SLC44A1: variants seen among roughly 807,000 people sequenced by gnomAD.
SLC44A1 encodes solute carrier family 44 member 1, also known as choline transporter-like protein 1.
In SLC44A1, 26 loss-of-function variants were observed where a neutral mutation model predicts 79.3. The ratio of observed to expected loss-of-function variants is 0.33; its 90% CI spans 0.24 to 0.46. The LOEUF is 0.46. Among genes scored for constraint, SLC44A1 ranks in the 20% least tolerant of loss-of-function variants. The pLI is 1.00. For missense variants in SLC44A1, 688 were observed against 798.1 expected, an observed-to-expected ratio of 0.86 and a Z score of 1.66; for synonymous variants, 263 against 286.2, an observed-to-expected ratio of 0.92 and a Z score of 0.82.
chr9:105,315,339 T>G (rs1424888993), intron 3 of SLC44A1, among the ~76,000 whole-genome samples: 1 of 150,110 alleles, frequency 6.7e-6, no homozygotes, highest in Non-Finnish European at 1.5e-5. Flanking sequence ...TTCAAATTGA[T>G]AGTAGGGTTT....
At chr9:105,344,300 A>G (rs1465817819) in intron 4 of SLC44A1, among the ~76,000 whole-genome samples, 3 of 152,182 alleles carry the variant, frequency 2.0e-5, no homozygotes, top group Non-Finnish European at 2.9e-5. Flanking sequence ...TTTATTTCAA[A>G]TAATGTGATG....
At chr9:105,424,948 C>CAAAAAAAAAAAAAAAA (rs200345209) in intron 15 of SLC44A1, among the ~76,000 whole-genome samples, 1 of 96,166 alleles carries the variant, frequency 1.0e-5, no homozygotes, top group African/African-American at 3.9e-5. Flanking sequence ...GACTCCATCT[C>CAAAAAAAAAAAAAAAA]AAAAAAAAAA....
chr9:105,401,734 C>G (rs924121762), downstream of SLC44A1, among the ~76,000 whole-genome samples: 7 of 152,190 alleles, frequency 4.6e-5, no homozygotes, highest in Admixed American at 1.3e-4. Flanking sequence ...GATGCATTTC[C>G]TAAGCATGCT....
chr9:105,303,217 A>G (rs1830928473), intron 2 of SLC44A1, among the ~76,000 whole-genome samples: 1 of 152,048 alleles, frequency 6.6e-6, no homozygotes, highest in South Asian at 2.1e-4. Flanking sequence ...ATGCCCAATA[A>G]GGTACTCCCT....
intron 3 of SLC44A1, among the ~76,000 whole-genome samples, chr9:105,313,664 T>G (rs1831240020): frequency 6.6e-6 from 1 of 152,166 alleles, no homozygotes; most frequent in Admixed American, 6.5e-5. Flanking sequence ...ACATACTTTT[T>G]CTGTCACATT....
At chr9:105,388,908 G>T (rs1828694790) in intron 15 of SLC44A1, 125 bp from the exon 16 acceptor site, 1 of 726,270 alleles carries the variant, frequency 1.4e-6, no homozygotes, top group African/African-American at 1.7e-5. Context: ...ATTCAGGGGA[G>T]AAGGATTCTC....
downstream of SLC44A1, among the ~76,000 whole-genome samples, chr9:105,398,975 G>C (rs2131496774): frequency 6.6e-6 from 1 of 152,290 alleles, no homozygotes; most frequent in Admixed American, 6.5e-5. Context: ...TTTTTAAAAA[G>C]TTTACGAATT....
In SLC44A1 at chr9:105,244,848, C is replaced by G; in HGVS notation, c.-21C>G. The stretch of plus-strand genomic sequence containing the variant: ...CGTAGCTGCGCGCCCGGCGCCGCCT[C>G]CGGGCTCCTTCGGCCCCGCCATGGG... On this transcript the variant is annotated 5_prime_UTR_variant, in exon 1 of 16. Transcript: ENST00000374720. 3 of 1,126,862 alleles carry G rather than the reference C, an allele frequency of 2.7e-6. No individual in the cohort carries two copies. Among genetic ancestry groups the G allele is most frequent in the Non-Finnish European group, 3.3e-6 (3 of 922,554 alleles). 69.8% of individuals were successfully genotyped at this position (1,126,862 alleles called of 1,614,324 possible).
chr9:105,288,074 A>T (rs1440821269), intron 1 of SLC44A1, among the ~76,000 whole-genome samples: 1 of 152,194 alleles, frequency 6.6e-6, no homozygotes, highest in Non-Finnish European at 1.5e-5. Flanking sequence ...ATTACTTAAA[A>T]ATTGCATCAT....
intron 1 of SLC44A1, among the ~76,000 whole-genome samples, chr9:105,286,380 A>T (rs1830478646): frequency 6.6e-6 from 1 of 152,220 alleles, no homozygotes; most frequent in East Asian, 1.9e-4. Context: ...CTCATCAGTA[A>T]AATGGGAATA....
chr9:105,370,372 T>G (rs1435634684), intron 12 of SLC44A1, among the ~76,000 whole-genome samples: 5 of 152,156 alleles, frequency 3.3e-5, no homozygotes, highest in Non-Finnish European at 7.4e-5. Flanking sequence ...ATCCACCTAC[T>G]TTTTTTCAGT....
chr9:105,361,613 T>C (rs1827782640), intron 8 of SLC44A1, among the ~76,000 whole-genome samples: 1 of 152,244 alleles, frequency 6.6e-6, no homozygotes, highest in African/African-American at 2.4e-5. Context: ...ATATTTCTTA[T>C]TGTCATAAGA....
chr9:105,296,412 G>A (rs943466853), intron 1 of SLC44A1, among the ~76,000 whole-genome samples: 4 of 152,046 alleles, frequency 2.6e-5, no homozygotes, highest in Non-Finnish European at 5.9e-5. Context: ...GTATTTTTCT[G>A]GTCAAAAATG....
chr9:105,373,187 C>T (rs2131438902), intron 12 of SLC44A1, among the ~76,000 whole-genome samples: 1 of 152,252 alleles, frequency 6.6e-6, no homozygotes, highest in East Asian at 1.9e-4. Flanking sequence ...TTATAGACAA[C>T]ACAGTATAAA....
rs1379859611 is a variant in SLC44A1 at position 105,394,329 on chromosome 9, A to C, written c.*5273A>C. ...ATTTAGTAGCAGGTTAGGGAATAGA[A>C]ACCACACTAATCTGAAGGAATAACA... On this transcript the variant is annotated 3_prime_UTR_variant, in exon 16 of 16. Transcript: ENST00000374720. The C allele has an allele frequency of 1.0e-6, 1 of 985,198 alleles. No homozygotes were observed. 61.0% of individuals were successfully genotyped at this position (985,198 alleles called of 1,614,324 possible).
chr9:105,353,460 C>T (rs1467163921), intron 5 of SLC44A1, among the ~76,000 whole-genome samples: 3 of 152,094 alleles, frequency 2.0e-5, no homozygotes. Context: ...TATTGGGCAT[C>T]CTGTTCCTGT....
intron 15 of SLC44A1, among the ~76,000 whole-genome samples, chr9:105,410,571 G>A (rs1192715862): frequency 6.6e-6 from 1 of 152,182 alleles, no homozygotes; most frequent in Non-Finnish European, 1.5e-5. Context: ...ACAATAAGAA[G>A]TGTTGACGAG....
intron 3 of SLC44A1, among the ~76,000 whole-genome samples, chr9:105,333,894 A>G (rs534718469): frequency 6.6e-6 from 1 of 152,166 alleles, no homozygotes; most frequent in East Asian, 1.9e-4. Context: ...TGGTGGTAGC[A>G]GTAGTGGTTG....
intron 15 of SLC44A1, among the ~76,000 whole-genome samples, chr9:105,421,578 A>C (rs1829249145): frequency 6.7e-6 from 1 of 149,102 alleles, no homozygotes; most frequent in Non-Finnish European, 1.5e-5. Context: ...GACTTCAGAA[A>C]TCTCTTTTTT....
Sources: gnomAD v4.1 joint callset for allele counts (sites outside exome capture counted in the v4.1 genomes callset) on GRCh38, gnomAD v4.1.1 for gene constraint, MANE v1.5 for transcripts, NCBI Gene and HGNC (gene_info 2026-07-23, HGNC 2026-07-21) for gene names.